Variants in ACSBG1 observed in about 807,000 individuals in gnomAD.
ACSBG1 encodes the protein long-chain-fatty-acid--CoA ligase ACSBG1.
In ACSBG1, 39 loss-of-function variants were observed where a neutral mutation model predicts 80.2. The observed-to-expected ratio is 0.49, with a 90% CI of 0.38 to 0.64. The LOEUF is 0.64. Ranked by LOEUF, ACSBG1 falls within the 30% of genes least tolerant of loss-of-function variation. The probability of loss-of-function intolerance (pLI) is 0.00; values close to 1 mark genes in which losing one functional copy is unlikely to be tolerated. For missense variants in ACSBG1, 828 were observed against 966.4 expected, an observed-to-expected ratio of 0.86 and a Z score of 1.90; for synonymous variants, 392 against 379.5, an observed-to-expected ratio of 1.03 and a Z score of -0.38.
At chr15:78,206,340 T>C (rs573739972) in intron 2 of ACSBG1, among the ~76,000 whole-genome samples, 206 of 152,292 alleles carry the variant, frequency 1.4e-3, no homozygotes, top group African/African-American at 4.8e-3. Context: ...AGGCCCACCT[T>C]GCCCCCACAG....
chr15:78,184,441 C>T (rs891239981), intron 5 of ACSBG1, among the ~76,000 whole-genome samples: 1 of 152,050 alleles, frequency 6.6e-6, no homozygotes, highest in African/African-American at 2.4e-5. Context: ...CCTTGGCCTC[C>T]CAAAGTGCTG....
At chr15:78,200,615 G>A (rs2075158273) in intron 2 of ACSBG1, among the ~76,000 whole-genome samples, 1 of 152,166 alleles carries the variant, frequency 6.6e-6, no homozygotes. Flanking sequence ...CAAGTCTGCT[G>A]TTCCCACAGG....
intron 2 of ACSBG1, among the ~76,000 whole-genome samples, chr15:78,195,262 C>T (rs1224488874): frequency 6.6e-6 from 1 of 152,220 alleles, no homozygotes; most frequent in Non-Finnish European, 1.5e-5. Context: ...GCTCATTCTC[C>T]TCCTACAAAT....
chr15:78,189,989 T>C (rs989071770), intron 5 of ACSBG1, among the ~76,000 whole-genome samples: 5 of 152,108 alleles, frequency 3.3e-5, no homozygotes, highest in African/African-American at 1.2e-4. Flanking sequence ...GAAAAGTTCT[T>C]AAGGCTGAAA....
chr15:78,231,928 C>A (rs1639440747), intron 1 of ACSBG1, among the ~76,000 whole-genome samples: 1 of 152,184 alleles, frequency 6.6e-6, no homozygotes, highest in African/African-American at 2.4e-5. Flanking sequence ...GAATTAAGTT[C>A]TTTTCTCACA....
At chr15:78,229,715 C>T (rs2141394513) in intron 1 of ACSBG1, among the ~76,000 whole-genome samples, 1 of 152,270 alleles carries the variant, frequency 6.6e-6, no homozygotes, top group East Asian at 1.9e-4. Flanking sequence ...AAGTCCTGGC[C>T]TCCTGCCTCC....
At chr15:78,193,122 G>C (rs1430285670) in intron 5 of ACSBG1, among the ~76,000 whole-genome samples, 1 of 151,576 alleles carries the variant, frequency 6.6e-6, no homozygotes, top group Admixed American at 6.6e-5. Context: ...ACCTAGACTT[G>C]AGTGCTCAAG....
intron 1 of ACSBG1, among the ~76,000 whole-genome samples, chr15:78,209,919 G>T (rs1204105749): frequency 1.3e-5 from 2 of 152,150 alleles, no homozygotes; most frequent in South Asian, 2.1e-4. Context: ...TAATCAAAAG[G>T]TATGGGCAGC....
At chr15:78,228,560 T>C (rs904594641) in intron 1 of ACSBG1, among the ~76,000 whole-genome samples, 4 of 152,188 alleles carry the variant, frequency 2.6e-5, no homozygotes, top group South Asian at 2.1e-4. Flanking sequence ...CTGCAGCTCC[T>C]GAGAGGACTA....
intron 5 of ACSBG1, among the ~76,000 whole-genome samples, chr15:78,186,121 T>C (rs2075001408): frequency 6.6e-6 from 1 of 152,204 alleles, no homozygotes; most frequent in Admixed American, 6.5e-5. Context: ...TCTTGTTGAA[T>C]TGACCCCTTT....
At chr15:78,186,665 T>A (rs2075007839) in intron 5 of ACSBG1, among the ~76,000 whole-genome samples, 1 of 151,792 alleles carries the variant, frequency 6.6e-6, no homozygotes, top group East Asian at 1.9e-4. Context: ...CTGGGACACA[T>A]TCAAAGCAGT....
rs2075476823 is a variant in ACSBG1 at position 78,234,425 on chromosome 15, T to C, written c.77A>G (p.Gln26Arg). Residue 26 changes from glutamine to arginine, a missense_variant, in exon 1 of 14, where the codon CAG becomes CGG. Physicochemically the swap from Gln to Arg is conservative, Grantham distance 43. Coordinates refer to ENST00000258873, the MANE Select transcript of ACSBG1 (RefSeq NM_015162.5). ...PSMLDSRETP[Q>R]ESRQDMIVRT... Reference sequence around the variant, plus strand: ...CACAATCATGTCCTGCCGGCTCTCCTGTGGGGTCTCTCTGCTGTCCAGCAT... The same window carrying C: ...CACAATCATGTCCTGCCGGCTCTCCCGTGGGGTCTCTCTGCTGTCCAGCAT... 6.2e-7 allele frequency: 1 copy of C among 1,613,060 alleles called. No individual in the cohort carries two copies. The highest frequency in any genetic ancestry group is 1.7e-5 in the Admixed American group (1 of 60,014).
rs200152040 is a variant in ACSBG1 at position 78,182,125 on chromosome 15, G to A, written c.915C>T (p.Tyr305=). ...GCCGGATGTCACCGGCCTGGCTGCC[G>A]TACCGTGCCGTCCACGTGATCTGGA... The part of the protein sequence containing the change: ...SQDNITWTAR[Y]GSQAGDIRPA... Residue 305 remains tyrosine (Y), a synonymous_variant, in exon 8 of 14, where the codon TAC becomes TAT. Coordinates refer to ENST00000258873, the MANE Select transcript of ACSBG1 (RefSeq NM_015162.5). 5.3e-5 allele frequency: 85 copies of A among 1,610,570 alleles called. No homozygotes were observed. The East Asian group carries it at 1.3e-3, about 24-fold the overall frequency.
At chr15:78,198,678 A>G (rs539420448) in intron 2 of ACSBG1, among the ~76,000 whole-genome samples, 1 of 152,362 alleles carries the variant, frequency 6.6e-6, no homozygotes, top group South Asian at 2.1e-4. Flanking sequence ...AAAAATATGC[A>G]TACTTGTTCC....
chr15:78,226,741 G>C (rs1477182595), intron 1 of ACSBG1: 1 of 108,234 alleles, frequency 9.2e-6, no homozygotes, highest in Non-Finnish European at 2.0e-5. Flanking sequence ...TTTTGATAAA[G>C]GAGCCAAGCA....
chr15:78,229,809 C>T (rs1322649368), intron 1 of ACSBG1, among the ~76,000 whole-genome samples: 2 of 152,272 alleles, frequency 1.3e-5, no homozygotes, highest in East Asian at 1.9e-4. Context: ...CTGCTGCTTG[C>T]ACCCCTCCCA....
intron 1 of ACSBG1, among the ~76,000 whole-genome samples, chr15:78,227,218 C>CAAAAA (rs56011241): frequency 1.9e-5 from 1 of 53,746 alleles, no homozygotes; most frequent in Non-Finnish European, 3.4e-5. Flanking sequence ...GACCCTGTCT[C>CAAAAA]AAAAAAAAAA....
chr15:78,218,187 A>G (rs189541482), intron 1 of ACSBG1, among the ~76,000 whole-genome samples: 4 of 151,202 alleles, frequency 2.6e-5, no homozygotes, highest in African/African-American at 9.7e-5. Context: ...CCAGCTCTCA[A>G]GATAGGTAAT....
At chr15:78,198,563 G>A (rs1403710353) in intron 2 of ACSBG1, among the ~76,000 whole-genome samples, 1 of 151,522 alleles carries the variant, frequency 6.6e-6, no homozygotes, top group African/African-American at 2.4e-5. Context: ...GGCCAGGCTG[G>A]TCTTGAACTC....
Sources: allele counts gnomAD v4.1 joint callset (sites outside exome capture counted in the v4.1 genomes callset), GRCh38; gene constraint gnomAD v4.1.1; transcripts MANE v1.5; gene names NCBI Gene and HGNC (gene_info 2026-07-23, HGNC 2026-07-21).